TFDP2: variants seen among roughly 807,000 people sequenced by gnomAD.
The protein encoded by TFDP2 is transcription factor Dp-2, also known as transcription factor Dp-2 (E2F dimerization partner 2).
In TFDP2, 17 loss-of-function variants were observed where a neutral mutation model predicts 59.3. The observed-to-expected ratio is 0.29, with a 90% CI of 0.20 to 0.43. The LOEUF is 0.43. Ranked by LOEUF, TFDP2 falls within the 20% of genes least tolerant of loss-of-function variation. The pLI is 1.00. For synonymous variants in TFDP2, 180 were observed against 194.7 expected (o/e 0.92, Z 0.63); for missense variants, 391 against 528.8 (o/e 0.74, Z 2.56).
chr3:142,023,381 G>A (rs547660954), intron 3 of TFDP2, among the ~76,000 whole-genome samples: 2 of 151,458 alleles, frequency 1.3e-5, no homozygotes, highest in Non-Finnish European at 2.9e-5. Context: ...AGTAGAGACA[G>A]GGTTTCGCCA....
At chr3:142,012,567 T>C (rs1944806070) in intron 3 of TFDP2, among the ~76,000 whole-genome samples, 1 of 152,208 alleles carries the variant, frequency 6.6e-6, no homozygotes, top group Non-Finnish European at 1.5e-5. Flanking sequence ...TTTTGGTACA[T>C]GTGTATGATG....
At chr3:142,080,522 G>A (rs1047531237) in intron 3 of TFDP2, among the ~76,000 whole-genome samples, 2 of 151,996 alleles carry the variant, frequency 1.3e-5, no homozygotes, top group African/African-American at 2.4e-5. Context: ...GAATGAAAAC[G>A]GACTCAACTC....
intron 6 of TFDP2, among the ~76,000 whole-genome samples, chr3:141,990,553 T>G (rs1576603594): frequency 6.6e-6 from 1 of 152,312 alleles, no homozygotes; most frequent in Admixed American, 6.5e-5. Context: ...ATTTTCTTAT[T>G]TAGGTTTTAG....
At chr3:142,037,304 A>C (rs976486228) in intron 3 of TFDP2, among the ~76,000 whole-genome samples, 5 of 152,202 alleles carry the variant, frequency 3.3e-5, no homozygotes, top group Non-Finnish European at 5.9e-5. Flanking sequence ...TGGAGGACAC[A>C]TTATAAACAA....
chr3:142,051,651 A>C (rs1947636435), intron 3 of TFDP2, among the ~76,000 whole-genome samples: 1 of 152,226 alleles, frequency 6.6e-6, no homozygotes, highest in Non-Finnish European at 1.5e-5. Flanking sequence ...ACATCAATGG[A>C]ACAGAACAGA....
chr3:141,977,093 T>TAGATAGATAGATAGATAG, intron 7 of TFDP2, among the ~76,000 whole-genome samples: 1 of 99,768 alleles, frequency 1.0e-5, no homozygotes, highest in Admixed American at 1.0e-4. Flanking sequence ...CATAGCCATA[T>TAGATAGATAGATAGATAG]ATATATATAT....
intron 3 of TFDP2, among the ~76,000 whole-genome samples, chr3:142,060,379 G>A (rs920828912): frequency 2.0e-5 from 3 of 152,126 alleles, no homozygotes; most frequent in Non-Finnish European, 4.4e-5. Flanking sequence ...GTGGGTAGGG[G>A]ACAACAAATG....
chr3:142,094,639 A>T (rs1163334986), intron 2 of TFDP2, among the ~76,000 whole-genome samples: 1 of 152,110 alleles, frequency 6.6e-6, no homozygotes, highest in African/African-American at 2.4e-5. Context: ...ACCACATGGA[A>T]AGGATTTTTT....
intron 11 of TFDP2, among the ~76,000 whole-genome samples, chr3:141,954,679 GTC>G (rs1198587492): frequency 6.6e-6 from 1 of 151,870 alleles, no homozygotes; most frequent in East Asian, 1.9e-4. Context: ...AATGAGTATA[GTC>G]TCTGTCAGCT....
Position 141,978,580 on chromosome 3 carries a change from T to C in TFDP2, c.459A>G (p.Glu153=). ...ACTCTGACACCAGCTCATCAGCGAC[T>C]TCATTGTACGATGTTGTACCTTTTC... ...VQRKGTTSYN[E]VADELVSEFT... The change falls in exon 7 of 13, where the codon GAA becomes GAG. Residue 153 remains glutamate (E), a synonymous_variant. Coordinates refer to ENST00000489671, the MANE Select transcript of TFDP2 (RefSeq NM_001178139.2). The C allele has an allele frequency of 6.8e-6, 11 of 1,613,746 alleles. No individual in the cohort carries two copies. Among genetic ancestry groups the C allele is most frequent in the Non-Finnish European group, 9.3e-6 (11 of 1,179,880 alleles).
intron 1 of TFDP2, among the ~76,000 whole-genome samples, chr3:142,111,127 A>T (rs1261238979): frequency 6.6e-6 from 1 of 152,106 alleles, no homozygotes; most frequent in Non-Finnish European, 1.5e-5. Flanking sequence ...TGATGGAGAC[A>T]TAAAAGATTC....
At chr3:142,122,358 T>C (rs1382228871) in intron 1 of TFDP2, among the ~76,000 whole-genome samples, 1 of 152,156 alleles carries the variant, frequency 6.6e-6, no homozygotes, top group Non-Finnish European at 1.5e-5. Flanking sequence ...AACCTATCTC[T>C]AAAATCCCTA....
intron 11 of TFDP2, among the ~76,000 whole-genome samples, chr3:141,955,870 C>T (rs948929282): frequency 3.3e-5 from 5 of 152,130 alleles, no homozygotes; most frequent in African/African-American, 4.8e-5. Flanking sequence ...TGCAGTGGTG[C>T]AATCTCCGTT....
chr3:141,965,576 GAAGGGGAAGGA>G (rs1413202668), intron 9 of TFDP2, among the ~76,000 whole-genome samples: 28 of 138,116 alleles, frequency 2.0e-4, no homozygotes, highest in African/African-American at 6.9e-4. Flanking sequence ...AGGGGAAGGG[GAAGGGGAAGGA>G]AAGGGGAAGG....
At chr3:141,975,113 C>T (rs2108030920) in intron 7 of TFDP2, among the ~76,000 whole-genome samples, 1 of 151,876 alleles carries the variant, frequency 6.6e-6, no homozygotes, top group Admixed American at 6.6e-5. Flanking sequence ...GGGGTTTCAC[C>T]ATATTGGCCA....
intron 3 of TFDP2, among the ~76,000 whole-genome samples, chr3:142,072,692 GA>G (rs2060287296): frequency 6.6e-6 from 1 of 152,140 alleles, no homozygotes. Context: ...CCAACTGAAA[GA>G]GCTTCCAATG....
intron 3 of TFDP2, among the ~76,000 whole-genome samples, chr3:142,062,638 C>A (rs1057227129): frequency 1.3e-5 from 2 of 151,938 alleles, no homozygotes; most frequent in Non-Finnish European, 2.9e-5. Context: ...AGTTCCAATC[C>A]TAGGTGTATG....
At position 141,950,208 on chromosome 3, in the gene TFDP2, T is replaced by A. The variant is rs1008072609; in HGVS notation, c.*2305A>T. The stretch of plus-strand genomic sequence containing the variant: ...TGTTGAGGGGGAATACAGAAGAGAA[T>A]TGACCTTTCTGAACAGCTCAACCTA... On this transcript the variant is annotated 3_prime_UTR_variant, in exon 13 of 13. Coordinates refer to ENST00000489671, the MANE Select transcript of TFDP2 (RefSeq NM_001178139.2). 1.3e-5 allele frequency: 2 copies of A among 152,084 alleles called. No homozygotes were observed. The highest frequency in any genetic ancestry group is 4.8e-5 in the African/African-American group (2 of 41,376). The allele number at this position is 152,084 out of a possible 1,614,324, so 9.4% of individuals were successfully genotyped here.
At chr3:141,982,474 A>G (rs570016013) in intron 6 of TFDP2, among the ~76,000 whole-genome samples, 1 of 152,210 alleles carries the variant, frequency 6.6e-6, no homozygotes, top group African/African-American at 2.4e-5. Context: ...TCTGTGTTCA[A>G]CTGATTGTGA....
Sources: gnomAD v4.1 joint callset for allele counts (sites outside exome capture counted in the v4.1 genomes callset) on GRCh38, gnomAD v4.1.1 for gene constraint, MANE v1.5 for transcripts, NCBI Gene and HGNC (gene_info 2026-07-23, HGNC 2026-07-21) for gene names.